THADA: variants seen among roughly 807,000 people sequenced by gnomAD.
The protein encoded by THADA is THADA armadillo repeat containing, also known as tRNA (32-2'-O)-methyltransferase regulator THADA.
THADA carries 213 observed loss-of-function variants against 219.8 expected under a neutral mutation model. The ratio of observed to expected loss-of-function variants is 0.97; its 90% CI spans 0.87 to 1.09. The LOEUF is 1.09. Among genes scored for constraint, THADA ranks in the 50% least tolerant of loss-of-function variants. The pLI is 0.00. For missense variants in THADA, 2,956 were observed against 2,311.3 expected, an observed-to-expected ratio of 1.28 and a Z score of -5.72; for synonymous variants, 1,018 against 828.9, an observed-to-expected ratio of 1.23 and a Z score of -3.92.
intron 21 of THADA, among the ~76,000 whole-genome samples, chr2:43,532,656 G>C (rs1410652344): frequency 6.6e-6 from 1 of 152,072 alleles, no homozygotes; most frequent in Non-Finnish European, 1.5e-5. Flanking sequence ...CACTGAATGG[G>C]CAAAAGCTGA....
rs367548179 is a variant in THADA, at chr2:43,551,936, G to A, written c.2811-11C>T. 1 of 1,593,554 alleles carries A rather than the reference G, an allele frequency of 6.3e-7. No homozygotes were observed. ...ACCAACTGCAGGCTGCTGCAACAAG[G>A]ACATTAGGGAAATTTATACTAAAAG... On this transcript the variant is annotated splice_polypyrimidine_tract_variant and intron_variant, in intron 18 of 37. Transcript: ENST00000405975.
chr2:43,495,844 T>A (rs1573935243), intron 25 of THADA, among the ~76,000 whole-genome samples: 1 of 152,322 alleles, frequency 6.6e-6, no homozygotes, highest in Middle Eastern at 3.4e-3. Context: ...CTGACTCTAC[T>A]GACAGTATAA....
At chr2:43,446,970 T>C (rs1035831073) in intron 26 of THADA, among the ~76,000 whole-genome samples, 2 of 152,192 alleles carry the variant, frequency 1.3e-5, no homozygotes, top group African/African-American at 4.8e-5. Context: ...TCTTGGCTTA[T>C]AGCTGCGTAT....
chr2:43,520,713 T>TATATATATATATATAC (rs1218079783), intron 22 of THADA, among the ~76,000 whole-genome samples: 2 of 125,050 alleles, frequency 1.6e-5, no homozygotes, highest in African/African-American at 6.0e-5. Flanking sequence ...TATATATATA[T>TATATATATATATATAC]ACACACACAC....
At chr2:43,388,180 T>A (rs1672920154) in intron 29 of THADA, among the ~76,000 whole-genome samples, 1 of 152,184 alleles carries the variant, frequency 6.6e-6, no homozygotes, top group South Asian at 2.1e-4. Flanking sequence ...CAACAAATAA[T>A]ACTATTTTTA....
chr2:43,485,939 T>G (rs2105015292), intron 25 of THADA, among the ~76,000 whole-genome samples: 1 of 152,128 alleles, frequency 6.6e-6, no homozygotes, highest in South Asian at 2.1e-4. Context: ...TGTTGTTATT[T>G]TTACAGCCAT....
intron 36 of THADA, among the ~76,000 whole-genome samples, chr2:43,254,969 T>C (rs967168337): frequency 6.6e-6 from 1 of 152,206 alleles, no homozygotes; most frequent in Non-Finnish European, 1.5e-5. Flanking sequence ...TTAGTAGATA[T>C]TTAAAACAAC....
At chr2:43,354,104 A>G (rs1318280149) in intron 29 of THADA, among the ~76,000 whole-genome samples, 1 of 151,976 alleles carries the variant, frequency 6.6e-6, no homozygotes, top group African/African-American at 2.4e-5. Flanking sequence ...GGCGGGAGTG[A>G]GCCACTGCGC....
chr2:43,574,552 G>A lies in THADA; in HGVS notation c.1513C>T (p.His505Tyr), dbSNP rs1257753794. The change falls in exon 11 of 38, where the codon CAT (histidine) becomes TAT (tyrosine). Residue 505 changes from histidine to tyrosine, a missense_variant. Physicochemically the swap from His to Tyr is moderately conservative, Grantham distance 83. Transcript: ENST00000405975. ...SDLLETMFRN[H>Y]KSHLKSQTAE... is the part of the protein sequence containing the mutation. The stretch of plus-strand genomic sequence containing the variant: ...GTCTGGGATTTCAAATGACTCTTAT[G>A]ATTTCTAAACATGGTTTCCAAGAGG... 1 of 1,613,984 alleles carries A rather than the reference G, an allele frequency of 6.2e-7. No homozygotes were observed. Among genetic ancestry groups the A allele is most frequent in the East Asian group, 2.2e-5 (1 of 44,882 alleles).
chr2:43,518,789 A>T (rs1210034219), intron 22 of THADA, among the ~76,000 whole-genome samples: 2 of 152,086 alleles, frequency 1.3e-5, no homozygotes. Context: ...TCAAACATAT[A>T]CCTCCAGCTG....
intron 16 of THADA, among the ~76,000 whole-genome samples, chr2:43,557,878 C>T (rs996558656): frequency 2.6e-5 from 4 of 152,178 alleles, no homozygotes; most frequent in African/African-American, 9.6e-5. Context: ...ATCAAATGTG[C>T]TGATTTAAAT....
At chr2:43,314,672 C>T (rs561524089) in intron 31 of THADA, among the ~76,000 whole-genome samples, 1 of 152,320 alleles carries the variant, frequency 6.6e-6, no homozygotes, top group South Asian at 2.1e-4. Context: ...GAGACCCAGC[C>T]CTCTGAGTCC....
At chr2:43,382,174 G>T (rs1672115898) in intron 29 of THADA, among the ~76,000 whole-genome samples, 1 of 152,126 alleles carries the variant, frequency 6.6e-6, no homozygotes, top group Non-Finnish European at 1.5e-5. Flanking sequence ...AACCTGGATG[G>T]GATCCTGGAA....
At chr2:43,569,099 G>A (rs1699010764) in intron 14 of THADA, among the ~76,000 whole-genome samples, 1 of 152,082 alleles carries the variant, frequency 6.6e-6, no homozygotes, top group Non-Finnish European at 1.5e-5. Context: ...AGCCTCCAGA[G>A]TATCTGGGAA....
intron 36 of THADA, among the ~76,000 whole-genome samples, chr2:43,259,949 G>A (rs987548564): frequency 3.3e-5 from 5 of 152,174 alleles, no homozygotes; most frequent in African/African-American, 7.2e-5. Context: ...GTATGATCAT[G>A]CCTGTTCCTT....
chr2:43,286,275 G>C (rs933498692), intron 35 of THADA, among the ~76,000 whole-genome samples: 6 of 152,194 alleles, frequency 3.9e-5, no homozygotes, highest in Non-Finnish European at 5.9e-5. Context: ...GACAGAAAAG[G>C]AAGGGCCTTA....
chr2:43,297,072 G>T (rs1317867571), intron 31 of THADA, among the ~76,000 whole-genome samples: 1 of 105,452 alleles, frequency 9.5e-6, no homozygotes, highest in Non-Finnish European at 1.9e-5. Context: ...CCGCCCGGCC[G>T]CCATCCCATC....
intron 31 of THADA, among the ~76,000 whole-genome samples, chr2:43,296,632 T>C (rs570620253): frequency 6.6e-6 from 1 of 152,278 alleles, no homozygotes; most frequent in Non-Finnish European, 1.5e-5. Context: ...ATCTTCAACC[T>C]CTGTGTCATC....
chr2:43,470,607 C>T (rs908303511), intron 26 of THADA, among the ~76,000 whole-genome samples: 3 of 152,018 alleles, frequency 2.0e-5, no homozygotes, highest in Admixed American at 6.6e-5. Context: ...TGAACACTCA[C>T]GAATGAGAAA....
Sources: allele counts gnomAD v4.1 joint callset (sites outside exome capture counted in the v4.1 genomes callset), GRCh38; gene constraint gnomAD v4.1.1; transcripts MANE v1.5; gene names NCBI Gene and HGNC (gene_info 2026-07-23, HGNC 2026-07-21).